The following CTDSPL variants were observed in gnomAD, a reference collection of about 807,000 sequenced individuals.
CTDSPL encodes CTD small phosphatase-like protein.
In CTDSPL, 8 loss-of-function variants were observed where a neutral mutation model predicts 30.5. The observed-to-expected ratio is 0.26, with a 90% CI of 0.15 to 0.47. CTDSPL has a LOEUF of 0.47. Ranked by LOEUF, CTDSPL falls within the 20% of genes least tolerant of loss-of-function variation. CTDSPL has a pLI of 0.99. For synonymous variants in CTDSPL, 110 were observed against 137.9 expected (o/e 0.80, Z 1.42); for missense variants, 248 against 366.1 (o/e 0.68, Z 2.63).
At chr3:37,889,970 C>T (rs79648400) in intron 1 of CTDSPL, among the ~76,000 whole-genome samples, 3,852 of 152,118 alleles carry the variant, frequency 0.025, 128 homozygotes, top group South Asian at 0.078. Flanking sequence ...TTGCTTCCTG[C>T]GGATTTTTTT....
At position 37,919,399 on chromosome 3, in the gene CTDSPL, T is replaced by C. The variant is rs1007285242; in HGVS notation, c.80-27658T>C. Among the ~76,000 whole-genome samples the C allele has an allele frequency of 2.0e-5, 3 of 152,200 alleles. No individual in the cohort carries two copies. In the East Asian group the frequency reaches 5.8e-4, roughly 29 times the overall value. ...GCTTTCCCTTCTCAGAAAAACAGTA[T>C]TGGAATTTTGCCTCAAGTTGATTAT... On this transcript the variant is annotated intron_variant, in intron 1 of 7. Coordinates refer to ENST00000273179, the MANE Select transcript of CTDSPL (RefSeq NM_001008392.2).
chr3:37,927,041 C>A (rs1256258947), intron 1 of CTDSPL, among the ~76,000 whole-genome samples: 1 of 152,152 alleles, frequency 6.6e-6, no homozygotes, highest in Admixed American at 6.5e-5. Context: ...ATGGTACAGG[C>A]TGAGTATCCC....
chr3:37,918,234 A>G (rs1698672448), intron 1 of CTDSPL, among the ~76,000 whole-genome samples: 1 of 151,720 alleles, frequency 6.6e-6, no homozygotes, highest in African/African-American at 2.4e-5. Context: ...AGGTCACTTC[A>G]TTTCTCTGCA....
At chr3:37,885,933 G>A (rs567307019) in intron 1 of CTDSPL, among the ~76,000 whole-genome samples, 24 of 152,236 alleles carry the variant, frequency 1.6e-4, no homozygotes, top group Admixed American at 1.4e-3. Context: ...GCAAAAACAA[G>A]TAAACAAAAG....
chr3:37,973,325 T>C (rs1699387879), intron 6 of CTDSPL, among the ~76,000 whole-genome samples: 1 of 152,238 alleles, frequency 6.6e-6, no homozygotes, highest in Non-Finnish European at 1.5e-5. Flanking sequence ...ATTGCACCAA[T>C]AGCAGTGAAG....
Position 37,887,013 on chromosome 3 carries a change from A to C in CTDSPL, c.79+24735A>C, listed in dbSNP as rs376076107. On this transcript the variant is annotated intron_variant, in intron 1 of 7. Transcript: ENST00000273179. ...GCTCACTGATATCATCCCTGTGGAC[A>C]CTGAAGCTTTTCTGAAGCTTTCTCA... is the stretch of plus-strand genomic sequence containing the variant. 1.1e-3 allele frequency among the ~76,000 whole-genome samples: 167 copies of C among 152,296 alleles called. 1 individual carries two copies. Among genetic ancestry groups the C allele is most frequent in the African/African-American group, 3.9e-3 (160 of 41,558 alleles).
At chr3:37,901,651 C>T in intron 1 of CTDSPL, among the ~76,000 whole-genome samples, 1 of 152,276 alleles carries the variant, frequency 6.6e-6, no homozygotes, top group South Asian at 2.1e-4. Flanking sequence ...TTGCAGACCT[C>T]TTGCTTTGAG....
In CTDSPL at chr3:37,862,999, A is replaced by AGAT. The variant is rs1478705404; in HGVS notation, c.79+723_79+725dup. Among the ~76,000 whole-genome samples, 1 of 152,220 alleles carries AGAT rather than the reference A, an allele frequency of 6.6e-6. No individual in the cohort carries two copies. Among genetic ancestry groups the AGAT allele is most frequent in the Non-Finnish European group, 1.5e-5 (1 of 68,032 alleles). ...CACCTAACCACGAACCTGTGTGTACAGATGTGTGTGCCTTCCTGTGTATCA... is the reference window on the plus strand; with the variant it reads ...CACCTAACCACGAACCTGTGTGTACAGATGATGTGTGTGCCTTCCTGTGTATCA... On this transcript the variant is annotated intron_variant, in intron 1 of 7. Coordinates refer to ENST00000273179, the MANE Select transcript of CTDSPL (RefSeq NM_001008392.2). This position sits in a 1 kb window ranked among gnomAD's most constrained non-coding sequence, Gnocchi z 4.3.
intron 5 of CTDSPL, chr3:37,969,356 G>A (rs1246424455): frequency 2.0e-6 from 1 of 502,756 alleles, no homozygotes; most frequent in African/African-American, 1.9e-5. Context: ...CCGAGGGAAT[G>A]AAGCCACAGG....
chr3:37,974,149 A>G (rs911895705), intron 6 of CTDSPL, among the ~76,000 whole-genome samples: 1 of 152,218 alleles, frequency 6.6e-6, no homozygotes, highest in African/African-American at 2.4e-5. Context: ...GAAAGATGGG[A>G]TACCCCTGAT....
chr3:37,882,693 A>T (rs964437644), intron 1 of CTDSPL, among the ~76,000 whole-genome samples: 1 of 152,212 alleles, frequency 6.6e-6, no homozygotes, highest in African/African-American at 2.4e-5. Context: ...CTGCCTTCAC[A>T]TACAGATGAA....
intron 5 of CTDSPL, among the ~76,000 whole-genome samples, chr3:37,970,294 A>T (rs1699352322): frequency 6.6e-6 from 1 of 151,916 alleles, no homozygotes; most frequent in South Asian, 2.1e-4. Context: ...AATTGTCCTT[A>T]ATTTATCCCT....
intron 1 of CTDSPL, among the ~76,000 whole-genome samples, chr3:37,900,885 G>A (rs188977173): frequency 2.0e-5 from 3 of 152,100 alleles, no homozygotes; most frequent in Admixed American, 6.5e-5. Context: ...TGCAACCTCC[G>A]TCTCCCAATT....
At chr3:37,963,149 A>C (rs1322896592) in intron 3 of CTDSPL, among the ~76,000 whole-genome samples, 1 of 152,232 alleles carries the variant, frequency 6.6e-6, no homozygotes, top group African/African-American at 2.4e-5. Context: ...GATTGCTTCC[A>C]GCTGAAAGAG....
rs1210895288 is a variant in CTDSPL at position 37,869,901 on chromosome 3, ATAGAT to A, written c.79+7626_79+7630del. Among the ~76,000 whole-genome samples, 10 of 152,310 alleles carry A rather than the reference ATAGAT, an allele frequency of 6.6e-5. No individual in the cohort carries two copies. In the South Asian group the frequency reaches 8.3e-4, roughly 13 times the overall value. On this transcript the variant is annotated intron_variant, in intron 1 of 7. Transcript: ENST00000273179. ...TTTTCTCCTTTAGTCTGTTAATGCG[ATAGAT>A]TAAACTGATTTTTGAATATTGAACC... is the stretch of plus-strand genomic sequence containing the variant.
intron 1 of CTDSPL, among the ~76,000 whole-genome samples, chr3:37,914,220 C>G (rs9832197): frequency 6.6e-6 from 1 of 151,684 alleles, no homozygotes; most frequent in Admixed American, 6.6e-5. Context: ...AAAATTTTTC[C>G]TTTTCCAAAT....
Position 37,916,095 on chromosome 3 carries a change from T to A in CTDSPL, c.80-30962T>A, listed in dbSNP as rs575157494. Among the ~76,000 whole-genome samples the A allele has an allele frequency of 4.6e-5, 7 of 152,280 alleles. No homozygotes were observed. In the East Asian group the frequency reaches 1.2e-3, roughly 25 times the overall value. ...TTCAGCCCACCTCACTCACAAGCTGTCCAAAGTGCTGCTCAGCTTCTCAGA... is the reference window on the plus strand; with the variant it reads ...TTCAGCCCACCTCACTCACAAGCTGACCAAAGTGCTGCTCAGCTTCTCAGA... On this transcript the variant is annotated intron_variant, in intron 1 of 7. Transcript: ENST00000273179.
intron 1 of CTDSPL, among the ~76,000 whole-genome samples, chr3:37,906,782 G>T (rs1287697562): frequency 3.3e-5 from 5 of 152,160 alleles, no homozygotes; most frequent in Admixed American, 2.6e-4. Context: ...ACCAACTGAG[G>T]CTGGACTGTC....
Position 37,979,523 on chromosome 3 carries a change from T to C in CTDSPL, c.706-1219T>C, listed in dbSNP as rs371617401. On this transcript the variant is annotated intron_variant, in intron 7 of 7. Coordinates refer to ENST00000273179, the MANE Select transcript of CTDSPL (RefSeq NM_001008392.2). ...AGGCTGAGGCAGGAGAACCCAGGAG[T>C]TGGAGGTTGCAGTGAGCTAAGATCA... Among the ~76,000 whole-genome samples, 326 of 151,726 alleles carry C rather than the reference T, an allele frequency of 2.1e-3. 2 individuals carry two copies. Among genetic ancestry groups the C allele is most frequent in the African/African-American group, 7.6e-3 (314 of 41,362 alleles).
Sources: allele counts gnomAD v4.1 joint callset (sites outside exome capture counted in the v4.1 genomes callset), GRCh38; gene constraint gnomAD v4.1.1; non-coding constraint Gnocchi (gnomAD v3.1); transcripts MANE v1.5; gene names NCBI Gene and HGNC (gene_info 2026-07-23, HGNC 2026-07-21).